MALRD1: variants seen among roughly 807,000 people sequenced by gnomAD.
MALRD1 encodes MAM and LDL-receptor class A domain-containing protein 1.
MALRD1 carries 247 observed loss-of-function variants against 242.1 expected under a neutral mutation model. That is an observed-to-expected ratio of 1.02 (90% confidence interval 0.92 to 1.13). MALRD1 has a LOEUF of 1.13. Among genes scored for constraint, MALRD1 ranks in the 50% most tolerant of loss-of-function variants. The pLI is 0.00. For synonymous variants in MALRD1, 995 were observed against 866.6 expected (o/e 1.15, Z -2.60); for missense variants, 2,989 against 2,533.1 (o/e 1.18, Z -3.86).
At chr10:19,529,367 TATG>T (rs1457863481) in intron 31 of MALRD1, among the ~76,000 whole-genome samples, 1 of 152,234 alleles carries the variant, frequency 6.6e-6, no homozygotes, top group East Asian at 1.9e-4. Flanking sequence ...TATAAAATGG[TATG>T]ATGATATTTG....
chr10:19,731,794 C>T (rs981372622), intron 39 of MALRD1, among the ~76,000 whole-genome samples: 22 of 152,252 alleles, frequency 1.4e-4, no homozygotes, highest in Non-Finnish European at 2.6e-4. Context: ...ATATAAAATT[C>T]ACTCCTTATA....
At chr10:19,503,047 G>T (rs943036749) in intron 31 of MALRD1, among the ~76,000 whole-genome samples, 3 of 152,004 alleles carry the variant, frequency 2.0e-5, no homozygotes, top group African/African-American at 7.2e-5. Flanking sequence ...AATGTTGTCT[G>T]CAGATTTAAA....
chr10:19,407,951 A>AGG (rs1833109796), intron 28 of MALRD1, among the ~76,000 whole-genome samples: 1 of 152,146 alleles, frequency 6.6e-6, no homozygotes, highest in Admixed American at 6.5e-5. Flanking sequence ...TTTCCATAAC[A>AGG]CTGTTACCAA....
chr10:19,535,397 A>G (rs1834622034), intron 32 of MALRD1, among the ~76,000 whole-genome samples: 1 of 151,824 alleles, frequency 6.6e-6, no homozygotes, highest in Admixed American at 6.6e-5. Flanking sequence ...CTAGTATGCA[A>G]TTTTTTAAAA....
intron 36 of MALRD1, among the ~76,000 whole-genome samples, chr10:19,648,671 G>T (rs1477890718): frequency 6.6e-6 from 1 of 152,208 alleles, no homozygotes; most frequent in South Asian, 2.1e-4. Context: ...AAAGAAAAAA[G>T]CAGCCAATAC....
chr10:19,156,315 C>A (rs1295637978), intron 12 of MALRD1, among the ~76,000 whole-genome samples: 1 of 138,952 alleles, frequency 7.2e-6, no homozygotes, highest in Admixed American at 7.1e-5. Context: ...TTTTTTTTTT[C>A]TTCCCATTTC....
rs1835262538 is a variant in MALRD1, at chr10:19,730,808, T to G, written c.6390+27T>G. ...TAAGTGGCAAGGGTGAACTATATCT[T>G]TTCACACATATGCACACACATACAA... On this transcript the variant is annotated intron_variant, in intron 39 of 39. Transcript: ENST00000454679. The G allele has an allele frequency of 1.2e-5, 18 of 1,524,000 alleles. No homozygotes were observed. In the Middle Eastern group the frequency reaches 6.7e-4, roughly 57 times the overall value. The allele number at this position is 1,524,000 out of a possible 1,614,324, so 94.4% of individuals were successfully genotyped here. A position where few individuals can be genotyped will look rare whatever the true frequency, so the allele number is the denominator to read the frequency against.
intron 12 of MALRD1, among the ~76,000 whole-genome samples, chr10:19,160,196 T>C (rs893067220): frequency 6.6e-6 from 1 of 152,068 alleles, no homozygotes; most frequent in Non-Finnish European, 1.5e-5. Flanking sequence ...TGTCAAAGGC[T>C]TTTTCTGCAT....
intron 24 of MALRD1, among the ~76,000 whole-genome samples, chr10:19,341,127 A>G (rs1843827773): frequency 6.6e-6 from 1 of 152,068 alleles, no homozygotes; most frequent in South Asian, 2.1e-4. Flanking sequence ...TATTTTGTAT[A>G]TCTTTCTATA....
At chr10:19,387,507 T>G (rs990771618) in intron 26 of MALRD1, 21 bp from the exon 27 acceptor site, 105 of 1,546,010 alleles carry the variant, frequency 6.8e-5, no homozygotes, top group Non-Finnish European at 8.6e-5. Context: ...CTCATTCTTG[T>G]TTTCTTTTGT....
intron 38 of MALRD1, among the ~76,000 whole-genome samples, chr10:19,698,767 C>A (rs530936310): frequency 1.3e-5 from 2 of 152,256 alleles, no homozygotes; most frequent in South Asian, 2.1e-4. Flanking sequence ...AGTGTAAAGA[C>A]AATTTTTGGC....
chr10:19,530,688 G>C (rs995251920), intron 31 of MALRD1, among the ~76,000 whole-genome samples: 2 of 151,436 alleles, frequency 1.3e-5, no homozygotes, highest in Non-Finnish European at 2.9e-5. Flanking sequence ...TAATGCATTT[G>C]AGAAGAAAAG....
intron 38 of MALRD1, among the ~76,000 whole-genome samples, chr10:19,714,007 C>T (rs1254466263): frequency 1.3e-5 from 2 of 152,064 alleles, no homozygotes; most frequent in African/African-American, 4.8e-5. Context: ...GATCCGACCC[C>T]ATGGCAGTGT....
intron 14 of MALRD1, among the ~76,000 whole-genome samples, chr10:19,181,633 A>G (rs1477489651): frequency 6.6e-6 from 1 of 152,192 alleles, no homozygotes; most frequent in Non-Finnish European, 1.5e-5. Context: ...TGTAATGTAC[A>G]ACGTGAGGAC....
intron 33 of MALRD1, among the ~76,000 whole-genome samples, chr10:19,576,965 T>A (rs910710576): frequency 8.0e-5 from 2 of 25,048 alleles, no homozygotes; most frequent in East Asian, 6.5e-4. Context: ...CACATTGTCG[T>A]TTTTTTTTTT....
At chr10:19,226,439 CT>C (rs1288467063) in intron 18 of MALRD1, among the ~76,000 whole-genome samples, 1 of 152,094 alleles carries the variant, frequency 6.6e-6, no homozygotes, top group Non-Finnish European at 1.5e-5. Context: ...GATGTCCTCT[CT>C]CCCTAGTTCT....
chr10:19,134,801 G>T (rs2131408508), intron 9 of MALRD1, among the ~76,000 whole-genome samples: 1 of 152,166 alleles, frequency 6.6e-6, no homozygotes, highest in East Asian at 1.9e-4. Flanking sequence ...AAAATGTAAA[G>T]AAAATGAATT....
At chr10:19,251,671 G>A (rs1338077543) in intron 18 of MALRD1, among the ~76,000 whole-genome samples, 3 of 152,002 alleles carry the variant, frequency 2.0e-5, no homozygotes, top group African/African-American at 7.2e-5. Flanking sequence ...ACTGTGCAAG[G>A]AATGGCAAAC....
chr10:19,081,862 T>C (rs938989983), intron 2 of MALRD1, among the ~76,000 whole-genome samples: 1 of 152,038 alleles, frequency 6.6e-6, no homozygotes, highest in Non-Finnish European at 1.5e-5. Flanking sequence ...ATGTCTTTTA[T>C]ACCCTTTTAC....
Sources: gnomAD v4.1 joint callset for allele counts (sites outside exome capture counted in the v4.1 genomes callset) on GRCh38, gnomAD v4.1.1 for gene constraint, MANE v1.5 for transcripts, NCBI Gene and HGNC (gene_info 2026-07-23, HGNC 2026-07-21) for gene names.